Variants in ATAD3B observed in about 807,000 individuals in gnomAD.
ATAD3B encodes the protein ATPase family AAA domain containing 3B.
In ATAD3B, 59 loss-of-function variants were observed where a neutral mutation model predicts 70.2. The observed-to-expected ratio is 0.84, with a 90% CI of 0.68 to 1.04. The LOEUF (loss-of-function observed/expected upper bound fraction) is 1.04. Ranked by LOEUF, ATAD3B falls within the 50% of genes least tolerant of loss-of-function variation. The pLI is 0.00. For synonymous variants in ATAD3B, 423 were observed against 388.6 expected (o/e 1.09, Z -1.04); for missense variants, 961 against 913.4 (o/e 1.05, Z -0.67).
intron 5 of ATAD3B, among the ~76,000 whole-genome samples, chr1:1,481,823 T>C (rs1272175342): frequency 6.6e-6 from 1 of 152,066 alleles, no homozygotes; most frequent in Non-Finnish European, 1.5e-5. Flanking sequence ...TACCAAGGTC[T>C]GTGTGTGTCT....
intron 15 of ATAD3B, among the ~76,000 whole-genome samples, chr1:1,493,995 C>T (rs1035821310): frequency 3.3e-5 from 5 of 151,940 alleles, no homozygotes; most frequent in Non-Finnish European, 5.9e-5. Flanking sequence ...ACTGATTCTT[C>T]TTAATGTTTT....
intron 12 of ATAD3B, among the ~76,000 whole-genome samples, chr1:1,488,361 G>A (rs1640349065): frequency 6.6e-6 from 1 of 152,092 alleles, no homozygotes; most frequent in Admixed American, 6.6e-5. Flanking sequence ...GAGAAGCTGG[G>A]ATTGCAGAGG....
Position 1,495,622 on chromosome 1 carries a change from C to T in ATAD3B, c.1752C>T (p.Pro584=), listed in dbSNP as rs752241293. 1 of 1,613,066 alleles carries T rather than the reference C, an allele frequency of 6.2e-7. No individual in the cohort carries two copies. The highest frequency in any genetic ancestry group is 2.2e-5 in the East Asian group (1 of 44,868). Residue 584 remains proline, a synonymous_variant, in exon 16 of 16, where the codon CCC becomes CCT. Transcript: ENST00000673477. ...AEGPGRGVEH[P]LSGVQGETLT... is the part of the protein sequence containing the mutation. The stretch of plus-strand genomic sequence containing the variant: ...GGCCTGGGCGCGGGGTCGAGCACCC[C>T]CTATCCGGAGTCCAAGGCGAGACCC...
chr1:1,501,437 A>C (rs1193624578), downstream of ATAD3B, among the ~76,000 whole-genome samples: 1 of 152,118 alleles, frequency 6.6e-6, no homozygotes, highest in Non-Finnish European at 1.5e-5. Flanking sequence ...TTATATTTTT[A>C]GTAGAGACGG....
downstream of ATAD3B, among the ~76,000 whole-genome samples, chr1:1,501,018 A>T (rs1201890308): frequency 2.0e-5 from 3 of 152,160 alleles, no homozygotes; most frequent in Non-Finnish European, 2.9e-5. Flanking sequence ...TTCTGTAAGT[A>T]CTTGAAGGCT....
chr1:1,489,457 A>G lies in ATAD3B; in HGVS notation c.1337+183A>G, dbSNP rs1156520486. ...CACGGGGTGTCATTGAGGAACATGC[A>G]GGGGCCTCCCGGGCAGAGCTGGGGT... On this transcript the variant is annotated intron_variant, in intron 13 of 15. Transcript: ENST00000673477. 39 of 1,185,908 alleles carry G rather than the reference A, an allele frequency of 3.3e-5. 1 individual carries two copies. The South Asian group carries it at 3.6e-4, about 11-fold the overall frequency. The allele number at this position is 1,185,908 out of a possible 1,614,324, so 73.5% of individuals were successfully genotyped here.
chr1:1,509,024 A>C, the ATAD3B span, among the ~76,000 whole-genome samples: 2 of 151,804 alleles, frequency 1.3e-5, no homozygotes, highest in Non-Finnish European at 2.9e-5. Context: ...TGGGCACTGC[A>C]GGGGCTGCCC....
Position 1,471,984 on chromosome 1 carries a change from G to T in ATAD3B, c.100G>T (p.Asp34Tyr), listed in dbSNP as rs1218540338. ...PAQPGAEGGG[D>Y]RGLGDRPAPK... Reference sequence around the variant, plus strand: ...GCAGCCCGGGGCCGAGGGCGGCGGGGACCGCGGTTTGGGAGACCGGCCGGC... The same window carrying T: ...GCAGCCCGGGGCCGAGGGCGGCGGGTACCGCGGTTTGGGAGACCGGCCGGC... Residue 34 changes from aspartate (D) to tyrosine (Y), a missense_variant, in exon 1 of 16, where the codon GAC (aspartate) becomes TAC (tyrosine). Physicochemically the swap from Asp to Tyr is radical, Grantham distance 160. Coordinates refer to ENST00000673477, the MANE Select transcript of ATAD3B (RefSeq NM_031921.6). 2 of 1,241,690 alleles carry T rather than the reference G, an allele frequency of 1.6e-6. No homozygotes were observed. The highest frequency in any genetic ancestry group is 2.0e-6 in the Non-Finnish European group (2 of 989,592). 76.9% of individuals were successfully genotyped at this position (1,241,690 alleles called of 1,614,324 possible). A position where few individuals can be genotyped will look rare whatever the true frequency, so the allele number is the denominator to read the frequency against.
At position 1,490,356 on chromosome 1, in the gene ATAD3B, G is replaced by A; in HGVS notation, c.1437G>A (p.Glu479=). ...VMVHFDLPQQ[E]ERERLVRLHF... is the part of the protein sequence containing the mutation. The stretch of plus-strand genomic sequence containing the variant: ...TCCACTTCGACCTGCCGCAGCAGGA[G>A]GAGCGGGAGCGCCTGGTGAGACTGC... Residue 479 remains glutamate, a synonymous_variant, in exon 14 of 16, where the codon GAG becomes GAA. Coordinates refer to ENST00000673477, the MANE Select transcript of ATAD3B (RefSeq NM_031921.6). The A allele has an allele frequency of 6.2e-7, 1 of 1,613,480 alleles. No individual in the cohort carries two copies. The highest frequency in any genetic ancestry group is 1.6e-4 in the Middle Eastern group (1 of 6,062).
At chr1:1,507,385 T>C in the ATAD3B span, among the ~76,000 whole-genome samples, 15 of 152,154 alleles carry the variant, frequency 9.9e-5, no homozygotes, top group African/African-American at 3.6e-4. Context: ...CATAAAAGGG[T>C]GTTGAATTTG....
rs1223879025 is a variant in ATAD3B, at chr1:1,489,279, G to C, written c.1337+5G>C. 1 of 1,613,498 alleles carries C rather than the reference G, an allele frequency of 6.2e-7. No homozygotes were observed. On this transcript the variant is annotated splice_donor_5th_base_variant and intron_variant, in intron 13 of 15. Transcript: ENST00000673477. ...CATGGGCCAACACAGCAACAAGTGA[G>C]GGAGCCCCTCGGGTCCTGAGCCCCC... is the stretch of plus-strand genomic sequence containing the variant.
At chr1:1,479,292 G>C (rs1557796385) in intron 4 of ATAD3B, among the ~76,000 whole-genome samples, 184 bp downstream of exon 4, 1 of 147,684 alleles carries the variant, frequency 6.8e-6, no homozygotes, top group Non-Finnish European at 1.5e-5. Flanking sequence ...ACATGCAGAT[G>C]TGTGCACACA....
chr1:1,471,879 G>A lies in ATAD3B; in HGVS notation c.-6G>A, dbSNP rs770900945. The stretch of plus-strand genomic sequence containing the variant: ...CGGCGGCGGTAGCGGCGGCGGCGGT[G>A]CGAGCATGTCGTGGCTCTTCGGCGT... On this transcript the variant is annotated 5_prime_UTR_variant, in exon 1 of 16. Transcript: ENST00000673477. 6 of 1,275,532 alleles carry A rather than the reference G, an allele frequency of 4.7e-6. No homozygotes were observed. The Admixed American group carries it at 2.1e-4, about 44-fold the overall frequency. The allele number at this position is 1,275,532 out of a possible 1,614,324, so 79.0% of individuals were successfully genotyped here. A position where few individuals can be genotyped will look rare whatever the true frequency, so the allele number is the denominator to read the frequency against.
At chr1:1,486,928 G>A (rs1173803671) in intron 11 of ATAD3B, among the ~76,000 whole-genome samples, 2 of 150,994 alleles carry the variant, frequency 1.3e-5, no homozygotes, top group Non-Finnish European at 3.0e-5. Context: ...GGGTGCAGGG[G>A]GAGAGGGGTC....
At chr1:1,508,866 G>A in the ATAD3B span, among the ~76,000 whole-genome samples, 1,355 of 150,526 alleles carry the variant, frequency 9.0e-3, 18 homozygotes, top group African/African-American at 0.031. Flanking sequence ...GCACTGCCTG[G>A]CCACGGCTGA....
At chr1:1,474,123 C>A (rs1175920539) in intron 1 of ATAD3B, among the ~76,000 whole-genome samples, 1 of 151,968 alleles carries the variant, frequency 6.6e-6, no homozygotes, top group Non-Finnish European at 1.5e-5. Flanking sequence ...GGGTAAAAGC[C>A]GTCCAACCGT....
At chr1:1,500,589 GACTT>G (rs973675437), downstream of ATAD3B, among the ~76,000 whole-genome samples, 1 of 149,846 alleles carries the variant, frequency 6.7e-6, no homozygotes, top group Non-Finnish European at 1.5e-5. Flanking sequence ...CTATTAATAA[GACTT>G]CATTCAGTCT....
At chr1:1,485,504 G>A (rs1640157462) in intron 8 of ATAD3B, among the ~76,000 whole-genome samples, 1 of 152,100 alleles carries the variant, frequency 6.6e-6, no homozygotes, top group South Asian at 2.1e-4. Context: ...GCCTCCCTGG[G>A]GAGCCGCGCC....
intron 15 of ATAD3B, among the ~76,000 whole-genome samples, chr1:1,493,204 G>C (rs1003836223): frequency 7.9e-5 from 12 of 151,950 alleles, no homozygotes; most frequent in South Asian, 2.1e-4. Context: ...GAGAACAGGT[G>C]ATTTTACCTC....
Sources: allele counts gnomAD v4.1 joint callset (sites outside exome capture counted in the v4.1 genomes callset), GRCh38; gene constraint gnomAD v4.1.1; transcripts MANE v1.5; gene names NCBI Gene and HGNC (gene_info 2026-07-23, HGNC 2026-07-21).